BPIFB3: variants seen among roughly 807,000 people sequenced by gnomAD.
The protein encoded by BPIFB3 is BPI fold containing family B member 3, also known as BPI fold-containing family B member 3.
In BPIFB3, 49 loss-of-function variants were observed where a neutral mutation model predicts 53.1. That is an observed-to-expected ratio of 0.92 (90% CI 0.73 to 1.17). BPIFB3 has a LOEUF of 1.17. Ranked by LOEUF, BPIFB3 falls within the 50% of genes most tolerant of loss-of-function variation. BPIFB3 has a pLI of 0.00. For missense variants in BPIFB3, 628 were observed against 592.5 expected (o/e 1.06, Z -0.62); for synonymous variants, 271 against 269.6 (o/e 1.01, Z -0.05).
At chr20:33,068,462 A>T (rs1367890881) in intron 9 of BPIFB3, among the ~76,000 whole-genome samples, 1 of 152,214 alleles carries the variant, frequency 6.6e-6, no homozygotes, top group African/African-American at 2.4e-5. Flanking sequence ...AGGAGCAGCC[A>T]CGTGGCCAGT....
chr20:33,064,752 A>T, exon 8 of BPIFB3: 1 of 1,614,112 alleles, frequency 6.2e-7, no homozygotes, highest in Non-Finnish European at 8.5e-7. Context: ...AGGACCACAC[A>T]TCCCAGGTGA....
chr20:33,056,087 A>T (rs1160295948), intron 1 of BPIFB3, among the ~76,000 whole-genome samples: 1 of 152,108 alleles, frequency 6.6e-6, no homozygotes, highest in African/African-American at 2.4e-5. Context: ...AGAAGCAGAG[A>T]CCATCTCCTC....
intron 5 of BPIFB3, among the ~76,000 whole-genome samples, chr20:33,063,238 G>A (rs960817519): frequency 4.6e-5 from 7 of 152,320 alleles, no homozygotes; most frequent in Admixed American, 3.3e-4. Context: ...CAGTGCCCAC[G>A]TAGAATGGCA....
chr20:33,055,405 C>T, upstream of BPIFB3: 4 of 1,612,550 alleles, frequency 2.5e-6, no homozygotes, highest in Non-Finnish European at 3.4e-6. Context: ...CAGAGTTCCT[C>T]CTTCTGCTCC....
chr20:33,067,209 A>G lies in BPIFB3; in HGVS notation c.978+332A>G, dbSNP rs548812143. On this transcript the variant is annotated intron_variant, in intron 9 of 14. Coordinates refer to ENST00000375494, the Ensembl canonical transcript of BPIFB3. ...TACTTCATCCTGACCTTAGTCTTCA[A>G]TGTCCCCAGAGAAAAGACTAGGGCA... is the stretch of plus-strand genomic sequence containing the variant. Among the ~76,000 whole-genome samples the G allele has an allele frequency of 1.6e-4, 24 of 152,310 alleles. No homozygotes were observed. The Middle Eastern group carries it at 0.01, about 65-fold the overall frequency.
At chr20:33,068,776 C>A (rs1269917459) in intron 9 of BPIFB3, 27 bp from the exon 11 acceptor site, 1 of 1,604,370 alleles carries the variant, frequency 6.2e-7, no homozygotes, top group East Asian at 2.2e-5. Flanking sequence ...CCTGGGGCAT[C>A]TAAGTTATGC....
At chr20:33,057,007 T>C (rs1364650157) in intron 2 of BPIFB3, among the ~76,000 whole-genome samples, 1 of 152,168 alleles carries the variant, frequency 6.6e-6, no homozygotes, top group African/African-American at 2.4e-5. Context: ...CCTCCAGGTG[T>C]CCGCTCAAAA....
intron 5 of BPIFB3, among the ~76,000 whole-genome samples, chr20:33,062,759 C>T (rs1314969085): frequency 2.0e-5 from 3 of 152,196 alleles, no homozygotes; most frequent in Non-Finnish European, 2.9e-5. Flanking sequence ...CCTGATACCT[C>T]CCTCCTGTAA....
chr20:33,066,976 C>A, intron 9 of BPIFB3, 99 bp downstream of exon 10: 1 of 1,238,166 alleles, frequency 8.1e-7, no homozygotes. Flanking sequence ...CAGGCAACTG[C>A]AATTGAACAG....
At chr20:33,056,799 G>GT in intron 2 of BPIFB3, 101 bp downstream of exon 3, 1 of 1,390,218 alleles carries the variant, frequency 7.2e-7, no homozygotes, top group Non-Finnish European at 9.5e-7. Flanking sequence ...GGCAGTGAAG[G>GT]TTGTGTGGGA....
intron 9 of BPIFB3, among the ~76,000 whole-genome samples, chr20:33,067,298 A>G (rs190503149): frequency 2.6e-5 from 4 of 152,236 alleles, no homozygotes; most frequent in Non-Finnish European, 4.4e-5. Context: ...ACATAAGTAC[A>G]TGACTTCCAG....
intron 14 of BPIFB3, 150 bp from the exon 16 acceptor site, chr20:33,073,426 T>C: frequency 1.3e-6 from 1 of 750,566 alleles, no homozygotes; most frequent in South Asian, 2.1e-5. Flanking sequence ...ACACTGGATG[T>C]CATTTTTTCA....
chr20:33,054,191 C>T (rs1417139836), upstream of BPIFB3, among the ~76,000 whole-genome samples: 2 of 151,938 alleles, frequency 1.3e-5, no homozygotes, highest in South Asian at 2.1e-4. Flanking sequence ...CAGGGGATCC[C>T]TGTCCATAGG....
At chr20:33,070,922 T>G (rs1357411597) in intron 11 of BPIFB3, among the ~76,000 whole-genome samples, 2 of 152,124 alleles carry the variant, frequency 1.3e-5, no homozygotes, top group East Asian at 3.9e-4. Flanking sequence ...GCACCTGCTG[T>G]ATGCAAGGCA....
rs112217883 is a variant in BPIFB3 at position 33,056,593 on chromosome 20, C to T, written c.176C>T (p.Ser59Leu). Residue 59 changes from serine (S) to leucine (L), a missense_variant, in exon 2 of 15, where the codon TCG (serine) becomes TTG (leucine). Ser to Leu is a moderately radical substitution (Grantham distance 145). Transcript: ENST00000375494. ...CCCATTCTGCAGAATGTGCTGGGAT[C>T]GGTCACAGCTGTGAACCGGGGCCTC... 2.3e-4 allele frequency: 377 copies of T among 1,613,950 alleles called. No individual in the cohort carries two copies. In the African/African-American group the frequency reaches 4.2e-3, roughly 18 times the overall value.
chr20:33,066,142 G>A (rs1980662451), intron 8 of BPIFB3, among the ~76,000 whole-genome samples: 2 of 152,178 alleles, frequency 1.3e-5, no homozygotes, highest in African/African-American at 4.8e-5. Flanking sequence ...GTAGTTCGGT[G>A]GGCGGGGGGT....
intron 9 of BPIFB3, 134 bp from the exon 11 acceptor site, chr20:33,068,669 C>T: frequency 7.7e-6 from 7 of 904,222 alleles, no homozygotes; most frequent in Non-Finnish European, 1.0e-5. Flanking sequence ...TGAGCCCAGG[C>T]CTGTGTCTTT....
intron 6 of BPIFB3, 123 bp downstream of exon 7, chr20:33,063,798 A>T: frequency 1.0e-6 from 1 of 981,522 alleles, no homozygotes. Context: ...GTTCCTCCTC[A>T]CACTGACAGG....
intron 7 of BPIFB3, 34 bp downstream of exon 8, chr20:33,064,582 G>C (rs1428032956): frequency 4.3e-6 from 7 of 1,612,968 alleles, no homozygotes; most frequent in Non-Finnish European, 5.9e-6. Context: ...CTCCTGCTGG[G>C]GGTGGCTAGA....
Sources: gnomAD v4.1 joint callset for allele counts (sites outside exome capture counted in the v4.1 genomes callset) on GRCh38, gnomAD v4.1.1 for gene constraint, MANE v1.5 for transcripts, NCBI Gene and HGNC (gene_info 2026-07-23, HGNC 2026-07-21) for gene names.